The following ANKDD1A variants were observed in gnomAD, a reference collection of about 807,000 sequenced individuals.
ANKDD1A encodes the protein ankyrin repeat and death domain-containing protein 1A.
A neutral mutation model predicts 63.5 loss-of-function variants in ANKDD1A; 59 were observed. That is an observed-to-expected ratio of 0.93 (90% CI 0.75 to 1.15). The LOEUF (loss-of-function observed/expected upper bound fraction) is 1.15, where lower values mean the gene tolerates loss of function less well. Among genes scored for constraint, ANKDD1A ranks in the 50% most tolerant of loss-of-function variants. The pLI, the probability that ANKDD1A is intolerant of heterozygous loss-of-function variation, is 0.00. For synonymous variants in ANKDD1A, 266 were observed against 263.9 expected (o/e 1.01, Z -0.08); for missense variants, 632 against 656.4 (o/e 0.96, Z 0.41).
chr15:64,937,588 T>C (rs1000433589), intron 9 of ANKDD1A, among the ~76,000 whole-genome samples: 5 of 151,828 alleles, frequency 3.3e-5, no homozygotes, highest in Admixed American at 6.6e-5. Flanking sequence ...ATTAGCCAGG[T>C]GTGGTGGCAC....
At chr15:64,955,005 T>C (rs1432300542) in intron 14 of ANKDD1A, among the ~76,000 whole-genome samples, 3 of 144,022 alleles carry the variant, frequency 2.1e-5, no homozygotes, top group African/African-American at 5.2e-5. Flanking sequence ...CCTCTTTCCT[T>C]CTTCTTCCAC....
At chr15:64,922,379 G>T (rs1469726628) in intron 4 of ANKDD1A, 2 of 188,394 alleles carry the variant, frequency 1.1e-5, no homozygotes, top group Admixed American at 1.2e-4. Context: ...ACCAAGTGTG[G>T]TATGGTGGGC....
At chr15:64,954,030 TTTC>T (rs149774372) in intron 14 of ANKDD1A, among the ~76,000 whole-genome samples, 12 of 129,234 alleles carry the variant, frequency 9.3e-5, no homozygotes, top group Admixed American at 2.5e-4. Flanking sequence ...TCTTCTTTTC[TTTC>T]TTCTTCCTCT....
intron 14 of ANKDD1A, among the ~76,000 whole-genome samples, chr15:64,954,748 TTCTTTC>T (rs199801455): frequency 9.5e-4 from 117 of 123,374 alleles, no homozygotes; most frequent in South Asian, 3.3e-3. Flanking sequence ...CTTCTCCTTC[TTCTTTC>T]TTTTTGTTCT....
At chr15:64,934,356 G>T in intron 9 of ANKDD1A, 122 bp downstream of exon 9, 1 of 803,680 alleles carries the variant, frequency 1.2e-6, no homozygotes, top group Non-Finnish European at 1.9e-6. Context: ...ACCAGGAGTA[G>T]GGGAGCCGGC....
At chr15:64,953,791 C>CTTTCTTCTTCCTTTT (rs1234229127) in intron 14 of ANKDD1A, among the ~76,000 whole-genome samples, 1 of 77,988 alleles carries the variant, frequency 1.3e-5, no homozygotes, top group African/African-American at 4.3e-5. Flanking sequence ...CTTTCTTCTG[C>CTTTCTTCTTCCTTTT]TTTCTTCTTC....
intron 14 of ANKDD1A, chr15:64,950,474 A>C: frequency 1.0e-6 from 1 of 985,442 alleles, no homozygotes. Flanking sequence ...ATCATCAGAC[A>C]AGCAGGATAG....
chr15:64,943,694 C>T, intron 11 of ANKDD1A, 112 bp downstream of exon 11: 1 of 1,016,962 alleles, frequency 9.8e-7, no homozygotes. Flanking sequence ...CAAGGACTGT[C>T]ATCCTTTCTA....
At chr15:64,946,357 C>T (rs2085222828) in intron 12 of ANKDD1A, among the ~76,000 whole-genome samples, 1 of 152,156 alleles carries the variant, frequency 6.6e-6, no homozygotes, top group Admixed American at 6.5e-5. Flanking sequence ...GTTTCAGAAT[C>T]AATTGGTAGA....
chr15:64,949,838 C>T lies in ANKDD1A; in HGVS notation c.1352-3C>T. On this transcript the variant is annotated splice_region_variant and splice_polypyrimidine_tract_variant and intron_variant, in intron 13 of 14. Transcript: ENST00000319580. ...TCTCTCTCTCCTCCCTCACTGTTCT[C>T]AGGCACCAGGAGCTATCAGGAGCAC... 2 of 1,600,856 alleles carry T rather than the reference C, an allele frequency of 1.2e-6. No homozygotes were observed. Among genetic ancestry groups the T allele is most frequent in the East Asian group, 2.2e-5 (1 of 44,870 alleles).
At chr15:64,952,042 CTTCT>C (rs534611314) in intron 14 of ANKDD1A, among the ~76,000 whole-genome samples, 2,934 of 145,238 alleles carry the variant, frequency 0.02, 50 homozygotes, top group Admixed American at 0.028. Context: ...CTTCTTTCCT[CTTCT>C]TTCTTCTTCT....
chr15:64,953,170 TTTC>T (rs145424468), intron 14 of ANKDD1A, among the ~76,000 whole-genome samples: 74,933 of 144,904 alleles, frequency 0.52, 20,346 homozygotes, highest in East Asian at 0.81. Flanking sequence ...CTTTCCTTCT[TTTC>T]TTCTTTTTCT....
chr15:64,945,630 A>ATATATATATATATATATATG (rs1188413566), intron 12 of ANKDD1A, among the ~76,000 whole-genome samples: 1 of 46,156 alleles, frequency 2.2e-5, no homozygotes, highest in African/African-American at 9.5e-5. Context: ...ATATATATAT[A>ATATATATATATATATATATG]TGAACTTTTT....
intron 10 of ANKDD1A, 72 bp downstream of exon 10, chr15:64,942,637 G>A: frequency 2.4e-6 from 3 of 1,257,264 alleles, no homozygotes; most frequent in Non-Finnish European, 3.4e-6. Flanking sequence ...AGGCTTGGCT[G>A]TGGTCTCCTA....
chr15:64,935,986 C>T (rs10851743), intron 9 of ANKDD1A, among the ~76,000 whole-genome samples: 79,442 of 152,008 alleles, frequency 0.52, 22,520 homozygotes, highest in South Asian at 0.78. Flanking sequence ...TATGCTGGTA[C>T]TACAAACTGA....
intron 14 of ANKDD1A, among the ~76,000 whole-genome samples, chr15:64,953,417 TCC>T (rs1407890151): frequency 6.5e-5 from 4 of 61,364 alleles, no homozygotes; most frequent in Non-Finnish European, 1.4e-4. Context: ...CTCCTCCTCC[TCC>T]CTTCTTCTTC....
intron 14 of ANKDD1A, among the ~76,000 whole-genome samples, chr15:64,955,773 C>G (rs1595862192): frequency 6.6e-6 from 1 of 152,288 alleles, no homozygotes; most frequent in East Asian, 1.9e-4. Flanking sequence ...TTGGTAGTCA[C>G]ACATGCCTGA....
Position 64,952,762 on chromosome 15 carries a change from CCTCCTTTCTTTTCTTCTTCCTTCTCCTT to C in ANKDD1A, c.1483+2793_1483+2820del, listed in dbSNP as rs1299645725. ...CCTCCTTCTTTCCTCTTCTCCTCCT[CCTCCTTTCTTTTCTTCTTCCTTCTCCTT>C]CTTCTTTTCTTCTCCTTCTCCTCCT... is the stretch of plus-strand genomic sequence containing the variant. On this transcript the variant is annotated intron_variant, in intron 14 of 14. Coordinates refer to ENST00000319580, the MANE Select transcript of ANKDD1A (RefSeq NM_182703.6). 2.9e-5 allele frequency among the ~76,000 whole-genome samples: 4 copies of C among 139,164 alleles called. 1 individual carries two copies. The highest frequency in any genetic ancestry group is 6.2e-5 in the Non-Finnish European group (4 of 64,490). 91.3% of individuals were successfully genotyped at this position (139,164 alleles called of 152,430 possible).
chr15:64,924,528 A>C (rs1210449264), intron 4 of ANKDD1A, among the ~76,000 whole-genome samples: 1 of 152,214 alleles, frequency 6.6e-6, no homozygotes, highest in Admixed American at 6.5e-5. Flanking sequence ...TTACCTATAG[A>C]TGCCACAGGC....
Sources: gnomAD v4.1 joint callset for allele counts (sites outside exome capture counted in the v4.1 genomes callset) on GRCh38, gnomAD v4.1.1 for gene constraint, MANE v1.5 for transcripts, NCBI Gene and HGNC (gene_info 2026-07-23, HGNC 2026-07-21) for gene names.